Variants in CTNNA3 observed in about 807,000 individuals in gnomAD.
CTNNA3 encodes catenin alpha-3.
A neutral mutation model predicts 95.7 loss-of-function variants in CTNNA3; 76 were observed. The observed-to-expected ratio is 0.79, with a 90% CI of 0.66 to 0.96. The LOEUF is 0.96. Among genes scored for constraint, CTNNA3 ranks in the 40% least tolerant of loss-of-function variants. The pLI is 0.00. For missense variants in CTNNA3, 1,191 were observed against 1,089.8 expected (o/e 1.09, Z -1.31); for synonymous variants, 431 against 374.4 (o/e 1.15, Z -1.74).
chr10:66,702,619 T>C (rs565394302), intron 9 of CTNNA3, among the ~76,000 whole-genome samples: 2 of 147,096 alleles, frequency 1.4e-5, no homozygotes, highest in East Asian at 4.1e-4. Flanking sequence ...GGCAGGAGAA[T>C]CACTTGAACT....
intron 7 of CTNNA3, among the ~76,000 whole-genome samples, chr10:67,106,578 T>C (rs2131958846): frequency 1.3e-5 from 2 of 152,264 alleles, no homozygotes; most frequent in South Asian, 4.2e-4. Context: ...TTAATAATAA[T>C]CCTATGAAGT....
chr10:66,122,219 G>T (rs753651288), intron 13 of CTNNA3, among the ~76,000 whole-genome samples: 4 of 152,124 alleles, frequency 2.6e-5, no homozygotes, highest in Non-Finnish European at 5.9e-5. Context: ...GAGTGCCTTT[G>T]ATAGGCACAT....
intron 7 of CTNNA3, among the ~76,000 whole-genome samples, chr10:67,036,480 A>G (rs1278492966): frequency 6.6e-6 from 1 of 152,102 alleles, no homozygotes; most frequent in Non-Finnish European, 1.5e-5. Context: ...CCTGGCCAAC[A>G]TGGTGAAACC....
At chr10:67,760,008 T>C (rs116081091) in intron 1 of CTNNA3, among the ~76,000 whole-genome samples, 1,782 of 152,272 alleles carry the variant, frequency 0.012, 43 homozygotes, top group African/African-American at 0.041. Flanking sequence ...GGTAATAAAT[T>C]TGTGTTGTTT....
intron 15 of CTNNA3, among the ~76,000 whole-genome samples, chr10:66,007,704 T>TACTCCCTCCCTCCCTCCCTCCCTC (rs2078916398): frequency 1.2e-5 from 1 of 86,280 alleles, no homozygotes; most frequent in Non-Finnish European, 2.3e-5. Flanking sequence ...GGCTTTTAGA[T>TACTCCCTCCCTCCCTCCCTCCCTC]CCTCCCTCCC....
At chr10:66,174,492 A>G (rs1324644631) in intron 13 of CTNNA3, among the ~76,000 whole-genome samples, 1 of 152,126 alleles carries the variant, frequency 6.6e-6, no homozygotes, top group Non-Finnish European at 1.5e-5. Flanking sequence ...GGTATGTACA[A>G]TTATATTTCT....
At chr10:67,149,293 A>C (rs1291033482) in intron 7 of CTNNA3, among the ~76,000 whole-genome samples, 4 of 152,134 alleles carry the variant, frequency 2.6e-5, no homozygotes, top group Non-Finnish European at 4.4e-5. Context: ...TTTGAGCAGA[A>C]AGTCAAAAGA....
chr10:67,061,973 T>C (rs1350145331), intron 7 of CTNNA3, among the ~76,000 whole-genome samples: 1 of 152,030 alleles, frequency 6.6e-6, no homozygotes, highest in Non-Finnish European at 1.5e-5. Flanking sequence ...TCTTAGGAAA[T>C]AGCCACCCAC....
At chr10:66,067,158 C>T (rs2080330406) in intron 15 of CTNNA3, among the ~76,000 whole-genome samples, 1 of 152,110 alleles carries the variant, frequency 6.6e-6, no homozygotes, top group South Asian at 2.1e-4. Flanking sequence ...GAAGCCAGAA[C>T]CCCTTTTCCC....
intron 7 of CTNNA3, among the ~76,000 whole-genome samples, chr10:66,850,457 A>T (rs1476762173): frequency 1.3e-5 from 2 of 152,166 alleles, no homozygotes; most frequent in African/African-American, 4.8e-5. Flanking sequence ...AATTTTAATG[A>T]ACCCTTTTAT....
chr10:67,562,819 G>A (rs11497967), intron 3 of CTNNA3, among the ~76,000 whole-genome samples: 29,796 of 151,632 alleles, frequency 0.2, 4,910 homozygotes, highest in African/African-American at 0.46. Flanking sequence ...ATGTGCAAAA[G>A]TCACAAGCAT....
chr10:66,921,920 G>C (rs1055030755), intron 7 of CTNNA3, among the ~76,000 whole-genome samples: 1 of 152,000 alleles, frequency 6.6e-6, no homozygotes, highest in Non-Finnish European at 1.5e-5. Flanking sequence ...TTAAATATTT[G>C]TAAAATAAAT....
chr10:66,534,767 T>A (rs1215464181), intron 10 of CTNNA3, among the ~76,000 whole-genome samples: 1 of 151,052 alleles, frequency 6.6e-6, no homozygotes, highest in Non-Finnish European at 1.5e-5. Context: ...TGGGAGTGAT[T>A]AGAAAACATA....
intron 7 of CTNNA3, among the ~76,000 whole-genome samples, chr10:66,878,416 G>A (rs969523892): frequency 2.0e-5 from 3 of 152,186 alleles, no homozygotes; most frequent in Admixed American, 6.5e-5. Flanking sequence ...AATTCAAAAC[G>A]TTTGTAAATT....
chr10:66,990,652 A>G (rs1850991995), intron 7 of CTNNA3, among the ~76,000 whole-genome samples: 1 of 152,144 alleles, frequency 6.6e-6, no homozygotes, highest in African/African-American at 2.4e-5. Flanking sequence ...TGTGGACCAG[A>G]TAAGTGTCCT....
chr10:67,361,571 T>A (rs1281852639), intron 5 of CTNNA3, among the ~76,000 whole-genome samples: 1 of 152,082 alleles, frequency 6.6e-6, no homozygotes, highest in African/African-American at 2.4e-5. Context: ...TTATTTGAAA[T>A]TAATGAAAAC....
intron 7 of CTNNA3, among the ~76,000 whole-genome samples, chr10:67,065,031 C>T (rs904982152): frequency 3.3e-5 from 5 of 152,142 alleles, no homozygotes; most frequent in African/African-American, 1.2e-4. Context: ...CACTTATGGT[C>T]CTACATAGCA....
chr10:67,637,276 C>G (rs1298064579), intron 2 of CTNNA3, among the ~76,000 whole-genome samples: 3 of 151,952 alleles, frequency 2.0e-5, no homozygotes, highest in Non-Finnish European at 4.4e-5. Context: ...GATGGAACAT[C>G]AAATGAATGA....
At chr10:66,745,765 T>A (rs1838843187) in intron 9 of CTNNA3, among the ~76,000 whole-genome samples, 1 of 151,012 alleles carries the variant, frequency 6.6e-6, no homozygotes, top group East Asian at 2.0e-4. Flanking sequence ...ATTTTTTTTT[T>A]TTTTTTTGTA....
Sources: gnomAD v4.1 joint callset for allele counts (sites outside exome capture counted in the v4.1 genomes callset) on GRCh38, gnomAD v4.1.1 for gene constraint, MANE v1.5 for transcripts, NCBI Gene and HGNC (gene_info 2026-07-23, HGNC 2026-07-21) for gene names.